The following UBE3D variants were observed in gnomAD, a reference collection of about 807,000 sequenced individuals.
The protein encoded by UBE3D is ubiquitin protein ligase E3D.
In UBE3D, 48 loss-of-function variants were observed where a neutral mutation model predicts 49.6. The observed-to-expected ratio is 0.97, with a 90% CI of 0.77 to 1.23. UBE3D has a LOEUF of 1.23. Ranked by LOEUF, UBE3D falls within the 50% of genes most tolerant of loss-of-function variation. The pLI, the probability that UBE3D is intolerant of heterozygous loss-of-function variation, is 0.00. For missense variants in UBE3D, 452 were observed against 468.4 expected (o/e 0.96, Z 0.32); for synonymous variants, 189 against 174.2 (o/e 1.08, Z -0.67).
chr6:82,956,589 A>T (rs971303987), intron 9 of UBE3D, among the ~76,000 whole-genome samples: 3 of 152,188 alleles, frequency 2.0e-5, no homozygotes, highest in Non-Finnish European at 4.4e-5. Flanking sequence ...TTAAACATCC[A>T]TTTGGCAATT....
downstream of UBE3D, among the ~76,000 whole-genome samples, chr6:82,891,635 T>C (rs1770980007): frequency 6.6e-6 from 1 of 152,238 alleles, no homozygotes; most frequent in Admixed American, 6.5e-5. Flanking sequence ...GCCATACCAC[T>C]GCTTTGCTAG....
chr6:83,031,440 A>G (rs1418803163), intron 5 of UBE3D, among the ~76,000 whole-genome samples: 1 of 152,238 alleles, frequency 6.6e-6, no homozygotes. Context: ...GCCTGCTTGC[A>G]TCTTGCATCA....
intron 9 of UBE3D, among the ~76,000 whole-genome samples, chr6:82,900,240 C>T (rs1771631204): frequency 6.6e-6 from 1 of 152,186 alleles, no homozygotes; most frequent in African/African-American, 2.4e-5. Flanking sequence ...AAGTGCTTTT[C>T]TATAGTATCA....
chr6:83,054,272 G>A, intron 2 of UBE3D, 34 bp from the exon 3 acceptor site: 2 of 1,514,062 alleles, frequency 1.3e-6, no homozygotes, highest in Non-Finnish European at 1.8e-6. Context: ...TAATCTTAGA[G>A]ATTGAAACAA....
At position 82,999,774 on chromosome 6, in the gene UBE3D, G is replaced by A. The variant is rs181776374; in HGVS notation, c.1010+19199C>T. On this transcript the variant is annotated intron_variant, in intron 8 of 9. Coordinates refer to ENST00000369747, the MANE Select transcript of UBE3D (RefSeq NM_198920.3). The stretch of plus-strand genomic sequence containing the variant: ...CCATCCCCTTCCTCTCTGTTCTGCC[G>A]TTCACAGCCAAACTTCCTGAAACAG... 5.6e-3 allele frequency among the ~76,000 whole-genome samples: 849 copies of A among 152,034 alleles called. 6 individuals are homozygous for A. Among genetic ancestry groups the A allele is most frequent in the Admixed American group, 0.01 (156 of 15,268 alleles).
At chr6:83,016,137 A>T (rs116634337) in intron 8 of UBE3D, among the ~76,000 whole-genome samples, 2,469 of 152,272 alleles carry the variant, frequency 0.016, 32 homozygotes, top group Non-Finnish European at 0.024. Flanking sequence ...TCTCTACAGG[A>T]GATAAGATTC....
At chr6:83,045,992 A>G (rs567931495) in intron 3 of UBE3D, among the ~76,000 whole-genome samples, 8 of 152,254 alleles carry the variant, frequency 5.3e-5, no homozygotes, top group Admixed American at 5.2e-4. Flanking sequence ...TTAGTCTAAT[A>G]TTGTCTCAAG....
intron 9 of UBE3D, among the ~76,000 whole-genome samples, chr6:82,952,621 A>AT (rs983805576): frequency 3.3e-5 from 5 of 152,022 alleles, no homozygotes; most frequent in African/African-American, 1.2e-4. Flanking sequence ...ATGGTGTCTC[A>AT]TTATGTTGCC....
chr6:83,034,871 C>G (rs1367606888), intron 5 of UBE3D, among the ~76,000 whole-genome samples: 1 of 151,902 alleles, frequency 6.6e-6, no homozygotes, highest in Non-Finnish European at 1.5e-5. Context: ...ATCAATTCCA[C>G]TTTATAACTA....
At chr6:82,906,024 A>G (rs899940501) in intron 9 of UBE3D, among the ~76,000 whole-genome samples, 1 of 152,176 alleles carries the variant, frequency 6.6e-6, no homozygotes, top group African/African-American at 2.4e-5. Flanking sequence ...TTAAAAGAGA[A>G]AGACTACTAT....
intron 9 of UBE3D, among the ~76,000 whole-genome samples, chr6:82,955,718 C>T (rs561830213): frequency 6.6e-6 from 1 of 152,316 alleles, no homozygotes; most frequent in East Asian, 1.9e-4. Flanking sequence ...TGCCTCCACC[C>T]ACCACTCACA....
intron 9 of UBE3D, among the ~76,000 whole-genome samples, chr6:82,909,969 G>A (rs1322799684): frequency 2.0e-5 from 3 of 152,136 alleles, no homozygotes; most frequent in Non-Finnish European, 2.9e-5. Context: ...TTGCACTTTG[G>A]TCACTACCCT....
In UBE3D at chr6:83,057,887, T is replaced by C. The variant is rs549923372; in HGVS notation, c.213A>G (p.Leu71=). 8 of 1,614,196 alleles carry C rather than the reference T, an allele frequency of 5.0e-6. No individual in the cohort carries two copies. Among genetic ancestry groups the C allele is most frequent in the South Asian group, 4.4e-5 (4 of 91,084 alleles). ...VRLVPSSCRG[L]QFVVGDGLHL... The stretch of plus-strand genomic sequence containing the variant: ...GCAGTCCATCTCCAACAACAAACTG[T>C]AGCCCACGGCAAGAGGAAGGTACAA... The change falls in exon 2 of 10, where the codon CTA becomes CTG. Residue 71 remains leucine, a synonymous_variant. Transcript: ENST00000369747.
intron 8 of UBE3D, among the ~76,000 whole-genome samples, chr6:82,969,972 G>T (rs2127703763): frequency 6.6e-6 from 1 of 151,168 alleles, no homozygotes; most frequent in Non-Finnish European, 1.5e-5. Flanking sequence ...TAGACAAATA[G>T]ATCCATGGAA....
chr6:83,028,008 A>C (rs1781603504), intron 5 of UBE3D, among the ~76,000 whole-genome samples: 1 of 151,996 alleles, frequency 6.6e-6, no homozygotes, highest in African/African-American at 2.4e-5. Flanking sequence ...TTTGCTCGTT[A>C]ATTCTCTCTT....
intron 9 of UBE3D, among the ~76,000 whole-genome samples, chr6:82,914,583 AT>A (rs1255140691): frequency 1.3e-5 from 2 of 152,136 alleles, no homozygotes; most frequent in African/African-American, 2.4e-5. Context: ...TGCTTTCCAA[AT>A]TAGTGTTCTG....
intron 9 of UBE3D, among the ~76,000 whole-genome samples, chr6:82,939,292 AT>A (rs1259630129): frequency 6.6e-6 from 1 of 152,190 alleles, no homozygotes; most frequent in Non-Finnish European, 1.5e-5. Context: ...CTAGGTAGCC[AT>A]TGGTTCAATT....
intron 9 of UBE3D, among the ~76,000 whole-genome samples, chr6:82,932,064 CT>C (rs1381318820): frequency 2.0e-5 from 3 of 152,136 alleles, no homozygotes; most frequent in Admixed American, 2.0e-4. Flanking sequence ...CATTCTTCTC[CT>C]TGCTGTCACC....
chr6:82,992,921 T>A (rs1778992038), intron 8 of UBE3D, among the ~76,000 whole-genome samples: 1 of 152,078 alleles, frequency 6.6e-6, no homozygotes, highest in African/African-American at 2.4e-5. Flanking sequence ...TAATACTAGA[T>A]ACAGATTAGT....
Sources: gnomAD v4.1 joint callset for allele counts (sites outside exome capture counted in the v4.1 genomes callset) on GRCh38, gnomAD v4.1.1 for gene constraint, MANE v1.5 for transcripts, NCBI Gene and HGNC (gene_info 2026-07-23, HGNC 2026-07-21) for gene names.